The following NRXN1 variants were observed in gnomAD, a reference collection of about 807,000 sequenced individuals.
The protein encoded by NRXN1 is neurexin 1, also known as neurexin-1.
A neutral mutation model predicts 150.9 loss-of-function variants in NRXN1; 39 were observed. The observed-to-expected ratio is 0.26, with a 90% CI of 0.20 to 0.34. The LOEUF (loss-of-function observed/expected upper bound fraction) is 0.34. Ranked by LOEUF, NRXN1 falls within the 10% of genes least tolerant of loss-of-function variation. NRXN1 has a pLI of 1.00. For missense variants in NRXN1, 1,815 were observed against 1,949.9 expected (o/e 0.93, Z 1.30); for synonymous variants, 924 against 757.0 (o/e 1.22, Z -3.62).
In NRXN1 at chr2:49,921,828, G is replaced by A. The variant is rs1279402614; in HGVS notation, c.*116C>T. The A allele has an allele frequency of 7.0e-6, 7 of 998,262 alleles. No individual in the cohort carries two copies. The East Asian group carries it at 1.8e-4, about 26-fold the overall frequency. The allele number at this position is 998,262 out of a possible 1,614,324, so 61.8% of individuals were successfully genotyped here. A position where few individuals can be genotyped will look rare whatever the true frequency, so the allele number is the denominator to read the frequency against. On this transcript the variant is annotated 3_prime_UTR_variant, in exon 23 of 23. Coordinates refer to ENST00000401669, the MANE Select transcript of NRXN1 (RefSeq NM_001330078.2). ...TTTAAAAAGTCTTTCCTTCCTGATTGCATTCCCTGTCTTCTTTTGTATGTG... is the reference window on the plus strand; with the variant it reads ...TTTAAAAAGTCTTTCCTTCCTGATTACATTCCCTGTCTTCTTTTGTATGTG...
At position 50,773,650 on chromosome 2, in the gene NRXN1, G is replaced by T. The variant is rs141251197; in HGVS notation, c.832+148219C>A. On this transcript the variant is annotated intron_variant, in intron 5 of 22. Coordinates refer to ENST00000401669, the MANE Select transcript of NRXN1 (RefSeq NM_001330078.2). Reference sequence around the variant, plus strand: ...TATAAGCGCCAATCTCTTCACCTTTGCTCAGGGGGATGAGCTCACCACAGA... The same window carrying T: ...TATAAGCGCCAATCTCTTCACCTTTTCTCAGGGGGATGAGCTCACCACAGA... 3.7e-3 allele frequency among the ~76,000 whole-genome samples: 563 copies of T among 152,248 alleles called. 1 individual carries two copies. The highest frequency in any genetic ancestry group is 6.5e-3 in the Non-Finnish European group (443 of 68,014).
intron 17 of NRXN1, among the ~76,000 whole-genome samples, chr2:50,408,876 A>T (rs1218924213): frequency 1.9e-5 from 2 of 106,082 alleles, no homozygotes; most frequent in Non-Finnish European, 4.3e-5. Flanking sequence ...TCTCTCTCTC[A>T]TATTTATATG....
At chr2:50,490,033 G>C (rs1230900623) in intron 15 of NRXN1, among the ~76,000 whole-genome samples, 1 of 152,228 alleles carries the variant, frequency 6.6e-6, no homozygotes, top group Non-Finnish European at 1.5e-5. Context: ...TGTGGCAGAA[G>C]AGAAACAGTT....
At chr2:50,013,869 T>A (rs1260262049) in intron 21 of NRXN1, among the ~76,000 whole-genome samples, 2 of 152,100 alleles carry the variant, frequency 1.3e-5, no homozygotes, top group African/African-American at 4.8e-5. Context: ...ATCATTTGGG[T>A]ACTAGTTTCA....
intron 22 of NRXN1, among the ~76,000 whole-genome samples, chr2:49,929,596 G>C (rs114764973): frequency 0.02 from 2,985 of 152,190 alleles, 109 homozygotes; most frequent in African/African-American, 0.066. Flanking sequence ...TATTATTGCT[G>C]TCCCCAACTC....
chr2:50,392,108 CA>C (rs1195647059), intron 17 of NRXN1, among the ~76,000 whole-genome samples: 1 of 152,060 alleles, frequency 6.6e-6, no homozygotes, highest in Non-Finnish European at 1.5e-5. Context: ...CCAATACAGC[CA>C]ATCATGCAAT....
chr2:51,003,855 T>G (rs548288388), intron 2 of NRXN1, among the ~76,000 whole-genome samples: 1 of 152,104 alleles, frequency 6.6e-6, no homozygotes, highest in African/African-American at 2.4e-5. Flanking sequence ...TTTCAGCTTG[T>G]GAATAAAGTT....
chr2:50,591,743 G>A (rs989101623), intron 8 of NRXN1, among the ~76,000 whole-genome samples: 1 of 152,198 alleles, frequency 6.6e-6, no homozygotes, highest in Admixed American at 6.5e-5. Flanking sequence ...GACAGCACAT[G>A]GTTCTCTTCC....
intron 17 of NRXN1, among the ~76,000 whole-genome samples, chr2:50,460,473 T>A (rs575956244): frequency 1.1e-4 from 16 of 152,150 alleles, no homozygotes; most frequent in African/African-American, 3.1e-4. Context: ...GTTGTTTTTC[T>A]CCCCACCTAA....
At position 50,963,146 on chromosome 2, in the gene NRXN1, T is replaced by C. The variant is rs1693478699; in HGVS notation, c.773-37191A>G. Among the ~76,000 whole-genome samples the C allele has an allele frequency of 2.0e-5, 3 of 151,674 alleles. No homozygotes were observed. The Admixed American group carries it at 2.0e-4, about 10-fold the overall frequency. On this transcript the variant is annotated intron_variant, in intron 2 of 22. Transcript: ENST00000401669. ...GTGAATAATTTCCCTTTTTGTTCTT[T>C]AATCTGACTAGGAATTGCCTCATTA...
intron 17 of NRXN1, among the ~76,000 whole-genome samples, chr2:50,455,796 C>T (rs543524096): frequency 6.6e-6 from 1 of 152,234 alleles, no homozygotes; most frequent in Non-Finnish European, 1.5e-5. Context: ...TTCCTTGAAG[C>T]TGGGCACTCA....
intron 17 of NRXN1, among the ~76,000 whole-genome samples, chr2:50,361,838 C>A (rs537059725): frequency 6.6e-6 from 1 of 152,044 alleles, no homozygotes; most frequent in African/African-American, 2.4e-5. Context: ...AACATCGATG[C>A]GAAAATCCTC....
At chr2:50,700,804 A>ATT (rs34882608) in intron 5 of NRXN1, among the ~76,000 whole-genome samples, 2 of 144,280 alleles carry the variant, frequency 1.4e-5, no homozygotes, top group Non-Finnish European at 3.1e-5. Context: ...TGGGATCAAG[A>ATT]TTTTTTTTTT....
At chr2:50,794,066 C>A (rs1439069303) in intron 5 of NRXN1, among the ~76,000 whole-genome samples, 1 of 151,982 alleles carries the variant, frequency 6.6e-6, no homozygotes, top group African/African-American at 2.4e-5. Flanking sequence ...ACAGGACATT[C>A]CACCACAGCA....
At chr2:50,944,740 C>G (rs1690054162) in intron 2 of NRXN1, among the ~76,000 whole-genome samples, 2 of 152,122 alleles carry the variant, frequency 1.3e-5, no homozygotes, top group South Asian at 4.1e-4. Context: ...TATGCCTGTA[C>G]TGCAAAGGCT....
At chr2:50,334,191 A>AC (rs56775729) in intron 17 of NRXN1, among the ~76,000 whole-genome samples, 3,176 of 123,514 alleles carry the variant, frequency 0.026, 212 homozygotes, top group African/African-American at 0.074. Flanking sequence ...GACCAGGACC[A>AC]AATATATATA....
At chr2:50,314,260 T>G (rs2075409386) in intron 17 of NRXN1, among the ~76,000 whole-genome samples, 1 of 152,062 alleles carries the variant, frequency 6.6e-6, no homozygotes, top group African/African-American at 2.4e-5. Flanking sequence ...CAAGCTTCAC[T>G]TTGATCTGTT....
intron 15 of NRXN1, among the ~76,000 whole-genome samples, chr2:50,483,050 C>T (rs1261148677): frequency 2.7e-5 from 2 of 75,406 alleles, no homozygotes; most frequent in East Asian, 8.8e-4. Flanking sequence ...GACTCCGTGT[C>T]AAAAAAAAAA....
chr2:50,719,224 A>G (rs972077534), intron 5 of NRXN1, among the ~76,000 whole-genome samples: 1 of 151,808 alleles, frequency 6.6e-6, no homozygotes, highest in African/African-American at 2.4e-5. Context: ...CTGTTCATTA[A>G]ACCTCTTACC....
Sources: gnomAD v4.1 joint callset for allele counts (sites outside exome capture counted in the v4.1 genomes callset) on GRCh38, gnomAD v4.1.1 for gene constraint, MANE v1.5 for transcripts, NCBI Gene and HGNC (gene_info 2026-07-23, HGNC 2026-07-21) for gene names.